The following FBXW12 variants were observed in gnomAD, a reference collection of about 807,000 sequenced individuals.
The protein encoded by FBXW12 is F-box and WD repeat domain containing 12, also known as F-box/WD repeat-containing protein 12.
In FBXW12, 43 loss-of-function variants were observed where a neutral mutation model predicts 55.3. The ratio of observed to expected loss-of-function variants is 0.78; its 90% CI spans 0.61 to 1.00. FBXW12 has a LOEUF of 1.00. Among genes scored for constraint, FBXW12 ranks in the 50% least tolerant of loss-of-function variants. The pLI is 0.00. For synonymous variants in FBXW12, 184 were observed against 203.8 expected, an observed-to-expected ratio of 0.90 and a Z score of 0.83; for missense variants, 524 against 560.5, an observed-to-expected ratio of 0.93 and a Z score of 0.66.
intron 4 of FBXW12, among the ~76,000 whole-genome samples, chr3:48,374,604 G>A (rs952915687): frequency 3.3e-5 from 5 of 150,942 alleles, no homozygotes; most frequent in Admixed American, 2.6e-4. Flanking sequence ...CTGGGATTCC[G>A]GGCATAAGCC....
intron 2 of FBXW12, among the ~76,000 whole-genome samples, 184 bp from the exon 3 acceptor site, chr3:48,373,124 T>G (rs912668026): frequency 2.0e-5 from 3 of 152,180 alleles, no homozygotes; most frequent in Non-Finnish European, 2.9e-5. Context: ...GTGCCTGTAT[T>G]AGCAGTGATA....
chr3:48,393,532 T>C (rs1183902958), intron 10 of FBXW12, among the ~76,000 whole-genome samples: 3 of 152,150 alleles, frequency 2.0e-5, no homozygotes, highest in Non-Finnish European at 4.4e-5. Flanking sequence ...TCCCACCATT[T>C]CCTCATCATA....
intron 10 of FBXW12, among the ~76,000 whole-genome samples, chr3:48,388,361 A>G (rs2036875329): frequency 6.6e-6 from 1 of 152,082 alleles, no homozygotes; most frequent in Non-Finnish European, 1.5e-5. Context: ...CAATTGAGAG[A>G]CTGTTGAATT....
intron 10 of FBXW12, among the ~76,000 whole-genome samples, chr3:48,392,716 C>T (rs1160693911): frequency 1.3e-5 from 2 of 152,148 alleles, no homozygotes; most frequent in African/African-American, 2.4e-5. Flanking sequence ...TGTTGTGCCT[C>T]TTCCTTCTGA....
intron 10 of FBXW12, among the ~76,000 whole-genome samples, chr3:48,386,888 G>A (rs2106648269): frequency 6.7e-6 from 1 of 150,110 alleles, no homozygotes; most frequent in Admixed American, 6.6e-5. Flanking sequence ...CTTGATGATT[G>A]TTGGGTTCTG....
At chr3:48,379,647 G>A in intron 7 of FBXW12, 89 bp downstream of exon 7, 2 of 1,054,004 alleles carry the variant, frequency 1.9e-6, no homozygotes, top group Non-Finnish European at 2.9e-6. Flanking sequence ...GTGAGGACCA[G>A]GCACACTGCT....
chr3:48,378,946 A>G (rs2036725346), intron 6 of FBXW12, among the ~76,000 whole-genome samples: 1 of 152,184 alleles, frequency 6.6e-6, no homozygotes, highest in South Asian at 2.1e-4. Context: ...CAATCACAGT[A>G]TATCAATGAA....
intron 10 of FBXW12, among the ~76,000 whole-genome samples, chr3:48,392,986 CT>C (rs782102353): frequency 1.1e-3 from 142 of 125,124 alleles, no homozygotes; most frequent in East Asian, 1.9e-3. Context: ...AAGGGGTACC[CT>C]TTTTTTTTTT....
chr3:48,372,333 A>G lies in FBXW12; in HGVS notation c.-85+13A>G. The G allele has an allele frequency of 1.9e-6, 3 of 1,552,246 alleles. No individual in the cohort carries two copies. Among genetic ancestry groups the G allele is most frequent in the Non-Finnish European group, 1.7e-6 (2 of 1,147,072 alleles). ...TCAAGATCCCAAGGTAGGCACAGAC[A>G]CAGGGCAAGCAGACTCCAATTCCAG... On this transcript the variant is annotated intron_variant, in intron 1 of 10. Transcript: ENST00000296438.
chr3:48,383,158 C>T (rs77654246), intron 10 of FBXW12, among the ~76,000 whole-genome samples: 2,027 of 152,310 alleles, frequency 0.013, 37 homozygotes, highest in African/African-American at 0.046. Context: ...TATCTATAAG[C>T]ATGCTTAGCA....
chr3:48,373,352 G>A lies in FBXW12; in HGVS notation c.128+7G>A, dbSNP rs1275871786. The A allele has an allele frequency of 1.9e-6, 3 of 1,614,176 alleles. No homozygotes were observed. The highest frequency in any genetic ancestry group is 1.7e-5 in the Admixed American group (1 of 60,036). ...ACAGTGATTACCTGTGGAGGTAAGG[G>A]AAGGGAAAGGGCAAGGAGGGAAGGG... On this transcript the variant is annotated splice_region_variant and intron_variant, in intron 3 of 10. Transcript: ENST00000296438.
intron 10 of FBXW12, among the ~76,000 whole-genome samples, chr3:48,384,364 G>A (rs1407070626): frequency 2.0e-5 from 3 of 152,144 alleles, no homozygotes; most frequent in Non-Finnish European, 4.4e-5. Flanking sequence ...AAATACGACT[G>A]ACTTTTGTAT....
chr3:48,392,923 C>T (rs9809843), intron 10 of FBXW12, among the ~76,000 whole-genome samples: 90,940 of 151,126 alleles, frequency 0.6, 27,408 homozygotes, highest in African/African-American at 0.68. Flanking sequence ...TATAGGTCTA[C>T]GAATTTGGGG....
chr3:48,373,464 G>T, intron 3 of FBXW12, 84 bp from the exon 4 acceptor site: 1 of 1,604,522 alleles, frequency 6.2e-7, no homozygotes, highest in Non-Finnish European at 8.5e-7. Context: ...AAGTTAGTGT[G>T]AGTAGGGGGT....
Position 48,373,348 on chromosome 3 carries a change from AAGGGAAGGGAAAGGGCAAGG to A in FBXW12, c.128+13_128+32del, listed in dbSNP as rs747032823. Reference sequence around the variant, plus strand: ...GCAGACAGTGATTACCTGTGGAGGTAAGGGAAGGGAAAGGGCAAGGAGGGAAGGGGAGAGGAGATCATCTG... The same window carrying A: ...GCAGACAGTGATTACCTGTGGAGGTAAGGGAAGGGGAGAGGAGATCATCTG... On this transcript the variant is annotated splice_donor_5th_base_variant and intron_variant, in intron 3 of 10. Transcript: ENST00000296438. The A allele has an allele frequency of 2.5e-6, 4 of 1,614,002 alleles. No homozygotes were observed. Among genetic ancestry groups the A allele is most frequent in the Middle Eastern group, 1.6e-4 (1 of 6,062 alleles).
Position 48,394,678 on chromosome 3 carries a change from T to A in FBXW12, c.*19T>A. On this transcript the variant is annotated 3_prime_UTR_variant, in exon 11 of 11. Transcript: ENST00000296438. ...TACGTAATATGGAAACTAACAAAAT[T>A]GACCTTGCATCATCTTCTGCAATGT... is the stretch of plus-strand genomic sequence containing the variant. 7.8e-7 allele frequency: 1 copy of A among 1,287,478 alleles called. No individual in the cohort carries two copies. Among genetic ancestry groups the A allele is most frequent in the Non-Finnish European group, 1.1e-6 (1 of 898,294 alleles). 79.8% of individuals were successfully genotyped at this position (1,287,478 alleles called of 1,614,324 possible).
intron 10 of FBXW12, among the ~76,000 whole-genome samples, chr3:48,385,337 A>G (rs1560033448): frequency 9.4e-6 from 1 of 105,824 alleles, no homozygotes; most frequent in Non-Finnish European, 2.0e-5. Flanking sequence ...ATGGTATTCC[A>G]TTGTGTGTGT....
In FBXW12 at chr3:48,394,386, A is replaced by C. The variant is rs571295113; in HGVS notation, c.1296-174A>C. On this transcript the variant is annotated intron_variant, in intron 10 of 10. Transcript: ENST00000296438. ...TGTGATTGCTATTCCTGCAAATAAT[A>C]ATCAGTGTAACTTTCCCTGATTTTA... Among the ~76,000 whole-genome samples, 244 of 152,136 alleles carry C rather than the reference A, an allele frequency of 1.6e-3. 2 individuals carry two copies. Among genetic ancestry groups the C allele is most frequent in the African/African-American group, 5.3e-3 (218 of 41,360 alleles).
rs756537470 is a variant in FBXW12 at position 48,380,682 on chromosome 3, GCA to G, written c.775-19_775-18del. The G allele has an allele frequency of 3.2e-6, 5 of 1,583,018 alleles. No homozygotes were observed. In the Middle Eastern group the frequency reaches 5.2e-4, roughly 164 times the overall value. On this transcript the variant is annotated intron_variant, in intron 7 of 10. Transcript: ENST00000296438. ...CTATAAGTTCCCTGCCCCTGACCAT[GCA>G]TGCGATGCTCTCTTTAGGTATTCCT...
Sources: gnomAD v4.1 joint callset for allele counts (sites outside exome capture counted in the v4.1 genomes callset) on GRCh38, gnomAD v4.1.1 for gene constraint, MANE v1.5 for transcripts, NCBI Gene and HGNC (gene_info 2026-07-23, HGNC 2026-07-21) for gene names.